IL1RAPL1: variants seen among roughly 807,000 people sequenced by gnomAD.
IL1RAPL1 encodes interleukin-1 receptor accessory protein-like 1.
In IL1RAPL1, 3 loss-of-function variants were observed where a neutral mutation model predicts 48.4. The ratio of observed to expected loss-of-function variants is 0.06; its 90% confidence interval spans 0.03 to 0.16. IL1RAPL1 has a LOEUF of 0.16. IL1RAPL1 is among the 10% of genes least tolerant of loss of function. The pLI, the probability that IL1RAPL1 is intolerant of heterozygous loss-of-function variation, is 1.00. For missense variants in IL1RAPL1, 349 were observed against 530.6 expected (o/e 0.66, Z 3.36); for synonymous variants, 185 against 187.7 (o/e 0.99, Z 0.12).
rs1569232789 is a variant in IL1RAPL1, at chrX:29,080,994, T to TTCTTTCTTTCTTTCTCTCTC, written c.83-201941_83-201940insTTCTTTCTTTCTCTCTCTCT. ...TTTCTTTCTTTCTTTCTTTCTTTCT[T>TTCTTTCTTTCTTTCTCTCTC]TCTCTCTCTCTCTCTCTCTCTCTCT... is the stretch of plus-strand genomic sequence containing the variant. On this transcript the variant is annotated intron_variant, in intron 2 of 10. Transcript: ENST00000378993. 1.9e-4 allele frequency among the ~76,000 whole-genome samples: 5 copies of TTCTTTCTTTCTTTCTCTCTC among 26,443 alleles called. 1 individual carries two copies. The highest frequency in any genetic ancestry group is 2.4e-4 in the Non-Finnish European group (3 of 12,759). 23.0% of individuals were successfully genotyped at this position (26,443 alleles called of 115,157 possible).
intron 3 of IL1RAPL1, among the ~76,000 whole-genome samples, chrX:29,377,293 A>C (rs893365612): frequency 1.6e-4 from 18 of 112,030 alleles, no homozygotes; most frequent in African/African-American, 5.8e-4. Flanking sequence ...AAGATGATTG[A>C]GTCTTTTATT....
intron 2 of IL1RAPL1, among the ~76,000 whole-genome samples, chrX:29,149,021 C>T (rs1929406427): frequency 1.8e-5 from 2 of 110,729 alleles, no homozygotes; most frequent in Middle Eastern, 9.3e-3. Context: ...CATTGCTTTA[C>T]TTAGGGACAA....
intron 2 of IL1RAPL1, among the ~76,000 whole-genome samples, chrX:28,848,185 G>A (rs188933198): frequency 1.8e-5 from 2 of 110,950 alleles, no homozygotes; most frequent in Admixed American, 1.9e-4. Context: ...AAAGGGGAGG[G>A]AGAGCATTAG....
At chrX:29,027,252 T>C (rs1376113849) in intron 2 of IL1RAPL1, among the ~76,000 whole-genome samples, 1 of 112,500 alleles carries the variant, frequency 8.9e-6, no homozygotes, top group Non-Finnish European at 1.9e-5. Context: ...TCCATAAATG[T>C]TCCCTTTCTA....
intron 1 of IL1RAPL1, among the ~76,000 whole-genome samples, chrX:28,622,356 T>C (rs1258081693): frequency 9.0e-6 from 1 of 111,474 alleles, no homozygotes; most frequent in Non-Finnish European, 1.9e-5. Context: ...TTGCACCAAA[T>C]AAAAAAATGA....
intron 5 of IL1RAPL1, among the ~76,000 whole-genome samples, chrX:29,545,900 A>G (rs757949464): frequency 8.9e-6 from 1 of 111,880 alleles, no homozygotes; most frequent in Admixed American, 9.5e-5. Flanking sequence ...GATAAAGTCT[A>G]TTTTTCTCCC....
chrX:29,064,308 T>C (rs1927403447), intron 2 of IL1RAPL1, among the ~76,000 whole-genome samples: 1 of 111,815 alleles, frequency 8.9e-6, no homozygotes, highest in Non-Finnish European at 1.9e-5. Flanking sequence ...TGCCATGAAA[T>C]AATTACTGAC....
intron 5 of IL1RAPL1, among the ~76,000 whole-genome samples, chrX:29,482,780 C>G (rs1211590545): frequency 8.9e-6 from 1 of 111,890 alleles, no homozygotes; most frequent in Non-Finnish European, 1.9e-5. Flanking sequence ...TATAATGAAC[C>G]TTCCTGTACC....
rs185993577 is a variant in IL1RAPL1, at chrX:29,277,093, A to C, written c.83-5845A>C. Among the ~76,000 whole-genome samples, 388 of 112,478 alleles carry C rather than the reference A, an allele frequency of 3.4e-3. 2 individuals carry two copies. The highest frequency in any genetic ancestry group is 5.0e-3 in the Non-Finnish European group (267 of 53,300). ...TCAAAAGAATGAAAAAAGTCTTCAA[A>C]GTCAAAGATGGACCATATGTACCAA... On this transcript the variant is annotated intron_variant, in intron 2 of 10. Transcript: ENST00000378993.
intron 1 of IL1RAPL1, among the ~76,000 whole-genome samples, chrX:28,765,879 A>G (rs1936230596): frequency 9.0e-6 from 1 of 111,718 alleles, no homozygotes; most frequent in Admixed American, 9.6e-5. Flanking sequence ...TACTGGAGGA[A>G]AATTGACATG....
intron 2 of IL1RAPL1, among the ~76,000 whole-genome samples, chrX:29,149,716 G>T (rs1341419886): frequency 8.9e-6 from 1 of 112,107 alleles, no homozygotes; most frequent in Non-Finnish European, 1.9e-5. Flanking sequence ...ATCTTGAAAT[G>T]TAGTAAGCAC....
chrX:29,155,287 C>T (rs1314459359), intron 2 of IL1RAPL1, among the ~76,000 whole-genome samples: 4 of 111,949 alleles, frequency 3.6e-5, no homozygotes, highest in Non-Finnish European at 7.5e-5. Flanking sequence ...GCTGGGATTA[C>T]GGGCATGAGC....
intron 5 of IL1RAPL1, among the ~76,000 whole-genome samples, chrX:29,442,563 G>A (rs1395136224): frequency 8.9e-6 from 1 of 111,960 alleles, no homozygotes; most frequent in Non-Finnish European, 1.9e-5. Context: ...TTAAAACAAA[G>A]AAATTTTGTA....
At chrX:28,637,387 A>G (rs1280735103) in intron 1 of IL1RAPL1, among the ~76,000 whole-genome samples, 1 of 111,681 alleles carries the variant, frequency 9.0e-6, no homozygotes, top group Non-Finnish European at 1.9e-5. Flanking sequence ...TTTCTGTGAT[A>G]TTTTCAATTT....
intron 2 of IL1RAPL1, among the ~76,000 whole-genome samples, chrX:28,882,382 C>T (rs936218329): frequency 3.4e-4 from 38 of 111,841 alleles, no homozygotes; most frequent in Non-Finnish European, 4.7e-4. Context: ...TGGTGGCTCA[C>T]GCCTGTAATC....
chrX:29,510,786 T>A (rs1263458961), intron 5 of IL1RAPL1, among the ~76,000 whole-genome samples: 1 of 111,823 alleles, frequency 8.9e-6, no homozygotes, highest in Non-Finnish European at 1.9e-5. Flanking sequence ...ACCATACTTA[T>A]CCTACATATT....
intron 6 of IL1RAPL1, among the ~76,000 whole-genome samples, chrX:29,888,293 G>A (rs1373827000): frequency 9.3e-6 from 1 of 107,923 alleles, no homozygotes. Context: ...GCATGATCTC[G>A]GCTCACCGCA....
At chrX:29,630,947 A>T (rs1924758161) in intron 5 of IL1RAPL1, among the ~76,000 whole-genome samples, 1 of 112,518 alleles carries the variant, frequency 8.9e-6, no homozygotes, top group South Asian at 3.6e-4. Context: ...ATGTGCATCA[A>T]AATTATACAT....
intron 2 of IL1RAPL1, among the ~76,000 whole-genome samples, chrX:28,992,627 C>T (rs1437730043): frequency 9.1e-6 from 1 of 109,815 alleles, no homozygotes; most frequent in South Asian, 3.8e-4. Flanking sequence ...TATAATTAAC[C>T]AATATTCATT....
Sources: gnomAD v4.1 joint callset for allele counts (sites outside exome capture counted in the v4.1 genomes callset) on GRCh38, gnomAD v4.1.1 for gene constraint, MANE v1.5 for transcripts, NCBI Gene and HGNC (gene_info 2026-07-23, HGNC 2026-07-21) for gene names.